The following IWS1 variants were observed in gnomAD, a reference collection of about 807,000 sequenced individuals.
IWS1 encodes interacts with SUPT6H, CTD assembly factor 1.
IWS1 carries 27 observed loss-of-function variants against 86.7 expected under a neutral mutation model. The observed-to-expected ratio is 0.31, with a 90% CI of 0.23 to 0.43. The LOEUF (loss-of-function observed/expected upper bound fraction) is 0.43, where lower values mean the gene tolerates loss of function less well. Among genes scored for constraint, IWS1 ranks in the 20% least tolerant of loss-of-function variants. The probability of loss-of-function intolerance (pLI) is 1.00; values close to 1 mark genes in which losing one functional copy is unlikely to be tolerated. For synonymous variants in IWS1, 313 were observed against 335.1 expected (o/e 0.93, Z 0.72); for missense variants, 827 against 1,000.8 (o/e 0.83, Z 2.34).
intron 13 of IWS1, among the ~76,000 whole-genome samples, chr2:127,483,631 CGTGTGTGTGTGTGT>C (rs374712537): frequency 2.5e-5 from 1 of 39,852 alleles, no homozygotes; most frequent in African/African-American, 8.4e-5. Context: ...TGTGCGTGTG[CGTGTGTGTGTGTGT>C]GTGTTTTCTA....
intron 2 of IWS1, among the ~76,000 whole-genome samples, chr2:127,508,977 T>C (rs922400239): frequency 6.6e-6 from 1 of 152,188 alleles, no homozygotes; most frequent in African/African-American, 2.4e-5. Flanking sequence ...ACAAGGACAC[T>C]GCATAAGACA....
chr2:127,519,482 TGTGTGTGTGC>T (rs756817793), intron 2 of IWS1, among the ~76,000 whole-genome samples: 2 of 151,800 alleles, frequency 1.3e-5, no homozygotes, highest in South Asian at 2.1e-4. Flanking sequence ...ATTGTGTGTG[TGTGTGTGTGC>T]GTGTGTGTGC....
intron 10 of IWS1, chr2:127,491,027 A>G (rs1254292488): frequency 6.6e-6 from 1 of 152,218 alleles, no homozygotes; most frequent in East Asian, 1.9e-4. Context: ...GGACAACAAA[A>G]ACAAACACGG....
At chr2:127,522,848 G>C (rs573335568) in intron 2 of IWS1, among the ~76,000 whole-genome samples, 1 of 152,286 alleles carries the variant, frequency 6.6e-6, no homozygotes, top group Admixed American at 6.5e-5. Flanking sequence ...ATGTATTAGA[G>C]CAAATACGTT....
At chr2:127,507,013 T>A (rs559832618) in intron 2 of IWS1, among the ~76,000 whole-genome samples, 2 of 152,186 alleles carry the variant, frequency 1.3e-5, no homozygotes, top group African/African-American at 2.4e-5. Flanking sequence ...CGTGTTTGAG[T>A]ATACCCTCTT....
chr2:127,495,307 A>G (rs976540180), intron 7 of IWS1, among the ~76,000 whole-genome samples: 1 of 152,236 alleles, frequency 6.6e-6, no homozygotes, highest in African/African-American at 2.4e-5. Context: ...GTGTGAGGTT[A>G]TATGATATTG....
chr2:127,482,406 C>T (rs1006843457), intron 13 of IWS1: 3 of 152,178 alleles, frequency 2.0e-5, no homozygotes, highest in African/African-American at 7.2e-5. Flanking sequence ...CAATACTTGG[C>T]ATTCGTACTC....
chr2:127,514,700 C>G (rs1691675041), intron 2 of IWS1: 1 of 152,438 alleles, frequency 6.6e-6, no homozygotes, highest in Non-Finnish European at 1.5e-5. Context: ...TCACACGGAG[C>G]CAGCGCCTGT....
intron 7 of IWS1, among the ~76,000 whole-genome samples, chr2:127,495,546 A>C (rs1427855468): frequency 6.6e-6 from 1 of 152,214 alleles, no homozygotes; most frequent in Admixed American, 6.5e-5. Flanking sequence ...TGAACTCTCA[A>C]CAAGTGTCTC....
rs774655732 is a variant in IWS1 at position 127,494,950 on chromosome 2, T to C, written c.1721A>G (p.Asp574Gly). The C allele has an allele frequency of 6.4e-7, 1 of 1,569,764 alleles. No individual in the cohort carries two copies. The highest frequency in any genetic ancestry group is 8.6e-7 in the Non-Finnish European group (1 of 1,157,234). ...CTTTTTTTGATTGTTCAACTGTCTG[T>C]CTTCCTATTCAGAAAAAAAATAAAG... ...IVKMNEAAEE[D>G]RQLNNQKKPA... The change falls in exon 8 of 14, where the codon GAC becomes GGC. Residue 574 changes from aspartate (D) to glycine (G), a missense_variant. Asp to Gly is a moderately conservative substitution (Grantham distance 94, BLOSUM62 -1). This residue lies in a region of IWS1 where 279 missense variants were observed against 440.6 expected (regional missense o/e 0.63). Transcript: ENST00000295321.
chr2:127,492,136 G>C, intron 9 of IWS1, 48 bp from the exon 10 acceptor site: 1 of 1,236,038 alleles, frequency 8.1e-7, no homozygotes, highest in Admixed American at 1.7e-5. Flanking sequence ...CGGAAGCTGG[G>C]GGTCTTGCTA....
chr2:127,504,344 A>C (rs1478568118), intron 3 of IWS1, among the ~76,000 whole-genome samples: 1 of 152,200 alleles, frequency 6.6e-6, no homozygotes, highest in Non-Finnish European at 1.5e-5. Context: ...CCCACAGCTA[A>C]CAATTAATAC....
intron 13 of IWS1, among the ~76,000 whole-genome samples, chr2:127,485,347 A>T (rs1475023238): frequency 6.6e-6 from 1 of 152,242 alleles, no homozygotes; most frequent in Non-Finnish European, 1.5e-5. Context: ...TTAGTCTCAA[A>T]GCATAGTGGA....
intron 1 of IWS1, 138 bp downstream of exon 1, chr2:127,526,037 G>A: frequency 2.7e-6 from 2 of 744,786 alleles, no homozygotes; most frequent in Non-Finnish European, 4.3e-6. Flanking sequence ...TGGTCAGAGG[G>A]CTCTTGCCCT....
intron 2 of IWS1, among the ~76,000 whole-genome samples, chr2:127,515,656 A>G (rs750976472): frequency 6.6e-6 from 1 of 152,234 alleles, no homozygotes. Flanking sequence ...AAATTATTAA[A>G]AACAACCACT....
chr2:127,516,181 C>G (rs189808412), intron 2 of IWS1, among the ~76,000 whole-genome samples: 2 of 152,202 alleles, frequency 1.3e-5, no homozygotes, highest in Admixed American at 1.3e-4. Context: ...GGCAACGTGG[C>G]AAAACTCCAT....
chr2:127,505,897 A>G lies in IWS1; in HGVS notation c.151-145T>C, dbSNP rs1691123386. On this transcript the variant is annotated intron_variant, in intron 2 of 13. Transcript: ENST00000295321. The surrounding 1 kb of genome is among the most constrained non-coding windows in gnomAD (Gnocchi z 5.0). The stretch of plus-strand genomic sequence containing the variant: ...GAATTCTTGTCCTATACCCATATAG[A>G]AACACCCCCACAGAAAGCCAATCAG... 1.8e-6 allele frequency: 1 copy of G among 550,580 alleles called. No homozygotes were observed. The highest frequency in any genetic ancestry group is 3.6e-5 in the Admixed American group (1 of 27,410). 34.1% of individuals were successfully genotyped at this position (550,580 alleles called of 1,614,324 possible).
At chr2:127,526,594 T>G (rs2104757608), upstream of IWS1, 1 of 1,371,646 alleles carries the variant, frequency 7.3e-7, no homozygotes, top group East Asian at 4.3e-5. Context: ...GAAAGGAGAC[T>G]CCTGGGAAAA....
Position 127,489,472 on chromosome 2 carries a change from G to A in IWS1, c.2160-237C>T, listed in dbSNP as rs760066659. ...TTGTAACTAATGACCCTGTCCTCCT[G>A]GATGCAACTGTATCCACTATTATCA... On this transcript the variant is annotated intron_variant, in intron 11 of 13. Coordinates refer to ENST00000295321, the MANE Select transcript of IWS1 (RefSeq NM_017969.3). The surrounding 1 kb of genome is among the most constrained non-coding windows in gnomAD (Gnocchi z 4.8). 23 of 542,478 alleles carry A rather than the reference G, an allele frequency of 4.2e-5. 1 individual carries two copies. Among genetic ancestry groups the A allele is most frequent in the South Asian group, 4.0e-4 (16 of 40,400 alleles). 33.6% of individuals were successfully genotyped at this position (542,478 alleles called of 1,614,324 possible).
Sources: allele counts gnomAD v4.1 joint callset (sites outside exome capture counted in the v4.1 genomes callset), GRCh38; gene constraint gnomAD v4.1.1; regional missense constraint gnomAD v4.1.1; non-coding constraint Gnocchi (gnomAD v3.1); transcripts MANE v1.5; gene names NCBI Gene and HGNC (gene_info 2026-07-23, HGNC 2026-07-21).